ROS1: variants seen among roughly 807,000 people sequenced by gnomAD.
ROS1 encodes the protein proto-oncogene tyrosine-protein kinase ROS.
Under a neutral mutation model 273.5 loss-of-function variants are expected in ROS1, and 263 were observed. That is an observed-to-expected ratio of 0.96 (90% CI 0.87 to 1.06). The LOEUF is 1.06. Ranked by LOEUF, ROS1 falls within the 50% of genes least tolerant of loss-of-function variation. The probability of loss-of-function intolerance (pLI) is 0.00; values close to 1 mark genes in which losing one functional copy is unlikely to be tolerated. For missense variants in ROS1, 2,833 were observed against 2,751.1 expected (o/e 1.03, Z -0.67); for synonymous variants, 1,008 against 954.1 (o/e 1.06, Z -1.04).
At chr6:117,366,317 T>A in intron 18 of ROS1, 27 bp from the exon 19 acceptor site, 2 of 1,576,952 alleles carry the variant, frequency 1.3e-6, no homozygotes, top group Non-Finnish European at 1.7e-6. Flanking sequence ...CCAATTAGTG[T>A]GTGTTTCTGG....
At chr6:117,398,693 A>AAAAAAAAAAAC (rs1554252569) in intron 7 of ROS1, among the ~76,000 whole-genome samples, 16 of 141,090 alleles carry the variant, frequency 1.1e-4, no homozygotes, top group Non-Finnish European at 2.6e-4. Flanking sequence ...AAAAAAAAAA[A>AAAAAAAAAAAC]AAAACTCGCG....
intron 19 of ROS1, 132 bp from the exon 20 acceptor site, chr6:117,365,873 T>C: frequency 1.1e-6 from 1 of 925,958 alleles, no homozygotes; most frequent in Non-Finnish European, 1.6e-6. Flanking sequence ...CTTTAACATA[T>C]CCTGAAAAAA....
intron 1 of ROS1, among the ~76,000 whole-genome samples, chr6:117,422,418 AT>A (rs1775825188): frequency 6.6e-6 from 1 of 152,144 alleles, no homozygotes; most frequent in African/African-American, 2.4e-5. Flanking sequence ...TTGAATTGTC[AT>A]CTTTATCATA....
At chr6:117,411,114 T>C (rs1377267089) in intron 4 of ROS1, among the ~76,000 whole-genome samples, 1 of 152,172 alleles carries the variant, frequency 6.6e-6, no homozygotes, top group Non-Finnish European at 1.5e-5. Flanking sequence ...GTCCTGTTTT[T>C]TCTGATATTT....
intron 32 of ROS1, 37 bp downstream of exon 32, chr6:117,337,135 A>T (rs2128616459): frequency 2.0e-6 from 3 of 1,532,030 alleles, no homozygotes; most frequent in Non-Finnish European, 1.8e-6. Flanking sequence ...AAACTGAAAC[A>T]CAGAGTTTTC....
chr6:117,399,741 A>G (rs1465308980), intron 7 of ROS1, among the ~76,000 whole-genome samples: 1 of 152,226 alleles, frequency 6.6e-6, no homozygotes, highest in Non-Finnish European at 1.5e-5. Context: ...TGGAAGTCAC[A>G]TCTTCAAAAT....
At chr6:117,405,780 G>T (rs1181300179) in intron 5 of ROS1, among the ~76,000 whole-genome samples, 1 of 152,134 alleles carries the variant, frequency 6.6e-6, no homozygotes, top group Non-Finnish European at 1.5e-5. Flanking sequence ...GGCACAGTGG[G>T]TAAGAAAAGG....
At chr6:117,400,188 C>A (rs1432957597) in intron 7 of ROS1, among the ~76,000 whole-genome samples, 1 of 152,204 alleles carries the variant, frequency 6.6e-6, no homozygotes, top group Non-Finnish European at 1.5e-5. Context: ...TCTCTCCTCA[C>A]CTCATGTCTA....
At position 117,331,809 on chromosome 6, in the gene ROS1, C is replaced by T. The variant is rs530364030; in HGVS notation, c.5231-2363G>A. Among the ~76,000 whole-genome samples the T allele has an allele frequency of 1.3e-3, 196 of 152,290 alleles. 4 individuals carry two copies. The South Asian group carries it at 0.036, about 28-fold the overall frequency. ...CAAATGCTGAGGGATTTTGTTACCA[C>T]CAGGCCTGCCCTGCAACAGCTCCTG... On this transcript the variant is annotated intron_variant, in intron 32 of 43. Transcript: ENST00000368507.
chr6:117,317,360 C>T (rs1582601531), intron 38 of ROS1, 88 bp from the exon 39 acceptor site: 2 of 1,409,018 alleles, frequency 1.4e-6, no homozygotes, highest in East Asian at 4.7e-5. Flanking sequence ...AATTCTTTAT[C>T]AATAGTTTCC....
chr6:117,403,223 T>C lies in ROS1; in HGVS notation c.520A>G (p.Ile174Val). The stretch of plus-strand genomic sequence containing the variant: ...GTGAAGATCCAAACCACTCGGAAAA[T>C]GTACTCAGTGAAGGGGTGCAGGGGC... ...VKPLHPFTEYIFRVVWIFTAQ... is the reference protein window; with the variant it reads ...VKPLHPFTEYVFRVVWIFTAQ... The change falls in exon 7 of 44, where the codon ATT becomes GTT. Residue 174 changes from isoleucine to valine, a missense_variant. Physicochemically the swap from Ile to Val is conservative, Grantham distance 29. Transcript: ENST00000368507. 6.2e-7 allele frequency: 1 copy of C among 1,611,992 alleles called. No homozygotes were observed. Among genetic ancestry groups the C allele is most frequent in the Non-Finnish European group, 8.5e-7 (1 of 1,179,564 alleles).
At chr6:117,407,456 C>A (rs1030965406) in intron 5 of ROS1, among the ~76,000 whole-genome samples, 1 of 152,184 alleles carries the variant, frequency 6.6e-6, no homozygotes, top group Non-Finnish European at 1.5e-5. Context: ...GATAAACACC[C>A]AAGCCCCCTA....
chr6:117,314,716 G>A (rs1324094562), intron 39 of ROS1, among the ~76,000 whole-genome samples: 1 of 152,120 alleles, frequency 6.6e-6, no homozygotes. Flanking sequence ...AACGCTCTGA[G>A]TTGATGCATC....
intron 32 of ROS1, among the ~76,000 whole-genome samples, chr6:117,331,774 T>C (rs1164174174): frequency 2.6e-5 from 4 of 152,088 alleles, no homozygotes; most frequent in African/African-American, 9.7e-5. Flanking sequence ...TAAAATCCTT[T>C]CCAGACAAGC....
At chr6:117,357,300 A>G (rs1209673989) in intron 25 of ROS1, among the ~76,000 whole-genome samples, 3 of 152,176 alleles carry the variant, frequency 2.0e-5, no homozygotes, top group Non-Finnish European at 4.4e-5. Flanking sequence ...TAGTTTCCAA[A>G]TAGCCTATCC....
chr6:117,372,534 CA>C (rs1780894671), intron 18 of ROS1, among the ~76,000 whole-genome samples: 1 of 152,120 alleles, frequency 6.6e-6, no homozygotes, highest in Non-Finnish European at 1.5e-5. Flanking sequence ...GTGGTGTGTC[CA>C]GAGTTTGTTC....
chr6:117,387,056 T>A, intron 14 of ROS1, 57 bp from the exon 15 acceptor site: 1 of 898,052 alleles, frequency 1.1e-6, no homozygotes, highest in Non-Finnish European at 1.8e-6. Flanking sequence ...TCTTTAAAGG[T>A]ATCTTATATA....
In ROS1 at chr6:117,309,531, T is replaced by G. The variant is rs1286547777; in HGVS notation, c.6416+550A>C. Among the ~76,000 whole-genome samples the G allele has an allele frequency of 3.9e-5, 6 of 152,130 alleles. No homozygotes were observed. The East Asian group carries it at 9.6e-4, about 24-fold the overall frequency. The stretch of plus-strand genomic sequence containing the variant: ...GCAGCACTGAGAAATTTTATCTCAT[T>G]CGTAATTTTGCCTAGGGCCAGCCCA... On this transcript the variant is annotated intron_variant, in intron 41 of 43. Transcript: ENST00000368507.
intron 31 of ROS1, among the ~76,000 whole-genome samples, chr6:117,338,689 G>T (rs1358220124): frequency 1.4e-4 from 22 of 152,118 alleles, no homozygotes; most frequent in Non-Finnish European, 1.2e-4. Context: ...GTTTGACCAA[G>T]CTTACCGCTG....
Sources: gnomAD v4.1 joint callset for allele counts (sites outside exome capture counted in the v4.1 genomes callset) on GRCh38, gnomAD v4.1.1 for gene constraint, MANE v1.5 for transcripts, NCBI Gene and HGNC (gene_info 2026-07-23, HGNC 2026-07-21) for gene names.